Variants in ZBTB7B observed in about 807,000 individuals in gnomAD.
The protein encoded by ZBTB7B is zinc finger and BTB domain-containing protein 7B.
In ZBTB7B, 8 loss-of-function variants were observed where a neutral mutation model predicts 31.0. The observed-to-expected ratio is 0.26, with a 90% CI of 0.15 to 0.47. ZBTB7B has a LOEUF of 0.47. Ranked by LOEUF, ZBTB7B falls within the 20% of genes least tolerant of loss-of-function variation. The pLI is 0.99. For synonymous variants in ZBTB7B, 261 were observed against 307.3 expected, an observed-to-expected ratio of 0.85 and a Z score of 1.58; for missense variants, 494 against 742.4, an observed-to-expected ratio of 0.67 and a Z score of 3.89.
upstream of ZBTB7B, among the ~76,000 whole-genome samples, chr1:155,002,336 G>C (rs572280428): frequency 2.7e-5 from 4 of 150,426 alleles, no homozygotes; most frequent in Non-Finnish European, 5.9e-5. Flanking sequence ...GGAGAAAGGG[G>C]GGGGAGAGAG....
At position 155,018,443 on chromosome 1, in the gene ZBTB7B, C is replaced by G. The variant is rs544976317; in HGVS notation, c.*1758C>G. The G allele has an allele frequency of 1.0e-4, 125 of 1,205,654 alleles. 1 individual carries two copies. The highest frequency in any genetic ancestry group is 6.5e-4 in the South Asian group (44 of 67,896). The allele number at this position is 1,205,654 out of a possible 1,614,324, so 74.7% of individuals were successfully genotyped here. A position where few individuals can be genotyped will look rare whatever the true frequency, so the allele number is the denominator to read the frequency against. On this transcript the variant is annotated 3_prime_UTR_variant, in exon 3 of 3. Transcript: ENST00000535420. The stretch of plus-strand genomic sequence containing the variant: ...GCCTTAGGGGGAGAGGCACTCCCCC[C>G]CTCCTATTCCCTTCCCCCCACCCCA...
At position 155,017,902 on chromosome 1, in the gene ZBTB7B, C is replaced by T. The variant is rs1322331465; in HGVS notation, c.*1217C>T. The T allele has an allele frequency of 6.5e-6, 1 of 152,772 alleles. No individual in the cohort carries two copies. Among genetic ancestry groups the T allele is most frequent in the African/African-American group, 2.4e-5 (1 of 41,478 alleles). 9.5% of individuals were successfully genotyped at this position (152,772 alleles called of 1,614,324 possible). On this transcript the variant is annotated 3_prime_UTR_variant, in exon 3 of 3. Coordinates refer to ENST00000535420, the MANE Select transcript of ZBTB7B (RefSeq NM_001256455.2). ...AGGGGAGAATAATCCCCACTCTGCT[C>T]TTAGGATTGAATCCACCCCCATTCT...
Position 155,015,743 on chromosome 1 carries a change from G to T in ZBTB7B, c.1083G>T (p.Leu361=). The change falls in exon 2 of 3, where the codon CTG becomes CTT. Residue 361 remains leucine, a synonymous_variant. Coordinates refer to ENST00000535420, the MANE Select transcript of ZBTB7B (RefSeq NM_001256455.2). Reference sequence around the variant, plus strand: ...AGATCATCCATGGGGCAGGCAAACTGCCTCGCCACATGAGGACCCACACAG... The same window carrying T: ...AGATCATCCATGGGGCAGGCAAACTTCCTCGCCACATGAGGACCCACACAG... The part of the protein sequence containing the change: ...CHKIIHGAGK[L]PRHMRTHTGE... The T allele has an allele frequency of 6.2e-7, 1 of 1,612,394 alleles. No homozygotes were observed. The highest frequency in any genetic ancestry group is 1.1e-5 in the South Asian group (1 of 91,000).
intron 1 of ZBTB7B, 87 bp from the exon 2 acceptor site, chr1:155,014,568 T>G: frequency 8.0e-7 from 1 of 1,244,814 alleles, no homozygotes; most frequent in Non-Finnish European, 1.1e-6. Flanking sequence ...CAGTCATCCC[T>G]CAATAAGTAT....
upstream of ZBTB7B, among the ~76,000 whole-genome samples, chr1:155,002,333 G>C (rs979499711): frequency 6.1e-5 from 9 of 148,678 alleles, no homozygotes; most frequent in African/African-American, 1.8e-4. Context: ...GCAGGAGAAA[G>C]GGGGGGGAGA....
At position 155,016,937 on chromosome 1, in the gene ZBTB7B, G is replaced by A. The variant is rs1324602536; in HGVS notation, c.*252G>A. ...ATATATTTACAGCTGTATTGTAAAA[G>A]TGGGGTCCCTGTCCCCAGCTGCTCC... On this transcript the variant is annotated 3_prime_UTR_variant, in exon 3 of 3. Transcript: ENST00000535420. This position sits in a 1 kb window ranked among gnomAD's most constrained non-coding sequence, Gnocchi z 4.3. 4.7e-5 allele frequency: 19 copies of A among 406,392 alleles called. No homozygotes were observed. Among genetic ancestry groups the A allele is most frequent in the Non-Finnish European group, 1.8e-5 (4 of 227,344 alleles). 25.2% of individuals were successfully genotyped at this position (406,392 alleles called of 1,614,324 possible).
chr1:155,010,871 A>G, intron 1 of ZBTB7B: 2 of 1,495,108 alleles, frequency 1.3e-6, no homozygotes, highest in South Asian at 1.2e-5. Flanking sequence ...CCAAGGCACC[A>G]GGAGCGTTGG....
chr1:155,017,361 G>GTTTTACT lies in ZBTB7B; in HGVS notation c.*676_*677insTTTTACT, dbSNP rs1315590589. ...TCGCCTGCCCCTGGGGGCAGTAGAG[G>GTTTTACT]GGCCCCGCCCAGCTAGGGGAGCCGC... On this transcript the variant is annotated 3_prime_UTR_variant, in exon 3 of 3. Coordinates refer to ENST00000535420, the MANE Select transcript of ZBTB7B (RefSeq NM_001256455.2). 2 of 152,448 alleles carry GTTTTACT rather than the reference G, an allele frequency of 1.3e-5. No homozygotes were observed. Among genetic ancestry groups the GTTTTACT allele is most frequent in the Non-Finnish European group, 2.9e-5 (2 of 68,324 alleles). 9.4% of individuals were successfully genotyped at this position (152,448 alleles called of 1,614,324 possible). A position where few individuals can be genotyped will look rare whatever the true frequency, so the allele number is the denominator to read the frequency against.
At position 155,018,167 on chromosome 1, in the gene ZBTB7B, C is replaced by G. The variant is rs1659608146; in HGVS notation, c.*1482C>G. ...TTCCATGCACCCCCATGCCCATTTG[C>G]ACAGCTGCCCAGGTACCCCTAACAG... On this transcript the variant is annotated 3_prime_UTR_variant, in exon 3 of 3. Coordinates refer to ENST00000535420, the MANE Select transcript of ZBTB7B (RefSeq NM_001256455.2). The G allele has an allele frequency of 4.2e-6, 1 of 239,374 alleles. No individual in the cohort carries two copies. Among genetic ancestry groups the G allele is most frequent in the African/African-American group, 2.3e-5 (1 of 43,650 alleles). The allele number at this position is 239,374 out of a possible 1,614,324, so 14.8% of individuals were successfully genotyped here.
chr1:155,001,937 C>A (rs998706810), upstream of ZBTB7B, among the ~76,000 whole-genome samples: 1 of 151,074 alleles, frequency 6.6e-6, no homozygotes, highest in African/African-American at 2.4e-5. The surrounding 1 kb of genome is among the most constrained non-coding windows in gnomAD (Gnocchi z 4.8). Context: ...CTGATTACAG[C>A]CCCTCACGGG....
In ZBTB7B at chr1:155,003,695, C is replaced by T. The variant is rs1571502625; in HGVS notation, c.-7+752C>T. 6.6e-6 allele frequency among the ~76,000 whole-genome samples: 1 copy of T among 152,216 alleles called. No homozygotes were observed. On this transcript the variant is annotated intron_variant, in intron 1 of 2. Transcript: ENST00000535420. The surrounding 1 kb of genome is among the most constrained non-coding windows in gnomAD (Gnocchi z 5.8). The stretch of plus-strand genomic sequence containing the variant: ...AAGAATTCTCCTACCTACTACCCGT[C>T]CCCCCACCGGCGCCGGCGCACCTGC...
In ZBTB7B at chr1:155,016,582, C is replaced by T; in HGVS notation, c.1517C>T (p.Ala506Val). 1 of 1,613,756 alleles carries T rather than the reference C, an allele frequency of 6.2e-7. No homozygotes were observed. The highest frequency in any genetic ancestry group is 1.1e-5 in the South Asian group (1 of 91,050). The change falls in exon 3 of 3, where the codon GCC becomes GTC. Residue 506 changes from alanine to valine, a missense_variant. This residue lies in a region of ZBTB7B where 101 missense variants were observed against 119.5 expected (regional missense o/e 0.85). Transcript: ENST00000535420. This position sits in a 1 kb window ranked among gnomAD's most constrained non-coding sequence, Gnocchi z 4.3. The part of the protein sequence containing the change: ...LSLARFWEQS[A>V]PTGPPVSTPG... ...CTAGCTCGATTCTGGGAGCAGTCAG[C>T]CCCCACTGGGCCCCCGGTCTCTACC...
At chr1:155,012,953 C>A (rs1659103147) in intron 1 of ZBTB7B, among the ~76,000 whole-genome samples, 1 of 152,082 alleles carries the variant, frequency 6.6e-6, no homozygotes, top group Admixed American at 6.5e-5. Flanking sequence ...GAGGAACAGG[C>A]TTCCTCAGGA....
intron 1 of ZBTB7B, chr1:155,010,839 A>C: frequency 8.3e-7 from 1 of 1,211,692 alleles, no homozygotes. Context: ...AGGAGACAGA[A>C]GTAAGGGGGA....
intron 1 of ZBTB7B, among the ~76,000 whole-genome samples, chr1:155,012,215 C>T (rs554296031): frequency 6.7e-5 from 10 of 148,434 alleles, no homozygotes; most frequent in East Asian, 4.2e-4. Context: ...CCACGGAGAC[C>T]GGCCCTGGGG....
intron 1 of ZBTB7B, among the ~76,000 whole-genome samples, chr1:155,006,208 G>A (rs1256917400): frequency 6.6e-6 from 1 of 152,134 alleles, no homozygotes; most frequent in Non-Finnish European, 1.5e-5. Context: ...AATTCCCCAG[G>A]GAGACCAGAG....
At position 155,004,589 on chromosome 1, in the gene ZBTB7B, G is replaced by C. The variant is rs1484506402; in HGVS notation, c.-7+1646G>C. On this transcript the variant is annotated intron_variant, in intron 1 of 2. Coordinates refer to ENST00000535420, the MANE Select transcript of ZBTB7B (RefSeq NM_001256455.2). The surrounding 1 kb of genome is among the most constrained non-coding windows in gnomAD (Gnocchi z 4.0). ...GTTGGGGAGGAGAGAGTGGGCATAA[G>C]GAGTGTTGTGCTGCGCTAGAGAGGG... is the stretch of plus-strand genomic sequence containing the variant. Among the ~76,000 whole-genome samples the C allele has an allele frequency of 1.3e-5, 2 of 152,128 alleles. No individual in the cohort carries two copies. Among genetic ancestry groups the C allele is most frequent in the Non-Finnish European group, 2.9e-5 (2 of 68,002 alleles).
Position 155,018,189 on chromosome 1 carries a change from A to C in ZBTB7B, c.*1504A>C. The C allele has an allele frequency of 3.8e-6, 1 of 263,744 alleles. No homozygotes were observed. Among genetic ancestry groups the C allele is most frequent in the Admixed American group, 5.0e-5 (1 of 19,894 alleles). The allele number at this position is 263,744 out of a possible 1,614,324, so 16.3% of individuals were successfully genotyped here. A position where few individuals can be genotyped will look rare whatever the true frequency, so the allele number is the denominator to read the frequency against. ...TTGCACAGCTGCCCAGGTACCCCTAACAGTGGGGAGGGGTCACAGGGAGGG... is the reference window on the plus strand; with the variant it reads ...TTGCACAGCTGCCCAGGTACCCCTACCAGTGGGGAGGGGTCACAGGGAGGG... On this transcript the variant is annotated 3_prime_UTR_variant, in exon 3 of 3. Coordinates refer to ENST00000535420, the MANE Select transcript of ZBTB7B (RefSeq NM_001256455.2).
rs904146694 is a variant in ZBTB7B, at chr1:155,015,387, G to A, written c.727G>A (p.Gly243Ser). The A allele has an allele frequency of 6.4e-7, 1 of 1,572,294 alleles. No homozygotes were observed. The highest frequency in any genetic ancestry group is 1.8e-5 in the Admixed American group (1 of 56,558). The change falls in exon 2 of 3, where the codon GGC becomes AGC. Residue 243 changes from glycine to serine, a missense_variant. This residue lies in a region of ZBTB7B where 216 missense variants were observed against 229.3 expected (regional missense o/e 0.94). Transcript: ENST00000535420. The part of the protein sequence containing the change: ...YEEEEVAGRV[G>S]SSGGSGPGDS... ...GGAGGAGGAGGTGGCGGGCAGAGTG[G>A]GCAGCAGTGGGGGCAGTGGGCCGGG...
Sources: allele counts gnomAD v4.1 joint callset (sites outside exome capture counted in the v4.1 genomes callset), GRCh38; gene constraint gnomAD v4.1.1; regional missense constraint gnomAD v4.1.1; non-coding constraint Gnocchi (gnomAD v3.1); transcripts MANE v1.5; gene names NCBI Gene and HGNC (gene_info 2026-07-23, HGNC 2026-07-21).